The following NDC1 variants were observed in gnomAD, a reference collection of about 807,000 sequenced individuals.
NDC1 encodes the protein NDC1 transmembrane nucleoporin, also known as nucleoporin NDC1.
Under a neutral mutation model 89.8 loss-of-function variants are expected in NDC1, and 24 were observed. The ratio of observed to expected loss-of-function variants is 0.27; its 90% CI spans 0.19 to 0.38. The LOEUF (loss-of-function observed/expected upper bound fraction) is 0.38, where lower values mean the gene tolerates loss of function less well. Among genes scored for constraint, NDC1 ranks in the 10% least tolerant of loss-of-function variants. The pLI is 1.00. For missense variants in NDC1, 728 were observed against 797.6 expected, an observed-to-expected ratio of 0.91 and a Z score of 1.05; for synonymous variants, 296 against 284.8, an observed-to-expected ratio of 1.04 and a Z score of -0.39.
chr1:53,830,549 T>C (rs1247343584), intron 3 of NDC1, among the ~76,000 whole-genome samples: 1 of 152,126 alleles, frequency 6.6e-6, no homozygotes, highest in African/African-American at 2.4e-5. Flanking sequence ...TACAAGGAAG[T>C]GTTGAAGAAC....
chr1:53,794,467 C>T (rs1647627248), intron 13 of NDC1, among the ~76,000 whole-genome samples: 1 of 152,180 alleles, frequency 6.6e-6, no homozygotes, highest in African/African-American at 2.4e-5. Flanking sequence ...GTACTAATGG[C>T]ATATAGAGCC....
chr1:53,804,390 A>G (rs999565753), intron 9 of NDC1, among the ~76,000 whole-genome samples: 9 of 152,154 alleles, frequency 5.9e-5, no homozygotes, highest in Non-Finnish European at 1.2e-4. Flanking sequence ...ATCTGATTCC[A>G]CCCACCAAAC....
At chr1:53,796,303 A>G (rs1054887712) in intron 13 of NDC1, among the ~76,000 whole-genome samples, 7 of 152,320 alleles carry the variant, frequency 4.6e-5, no homozygotes, top group South Asian at 2.1e-4. Context: ...TTAATAGCAC[A>G]TAAGTCTTAT....
chr1:53,831,867 A>G (rs763738326), intron 3 of NDC1, among the ~76,000 whole-genome samples: 14 of 152,132 alleles, frequency 9.2e-5, no homozygotes, highest in Non-Finnish European at 1.5e-4. Context: ...GTGATTCTCC[A>G]AGGCAAAACA....
intron 3 of NDC1, among the ~76,000 whole-genome samples, chr1:53,831,434 T>C (rs1036998775): frequency 4.6e-5 from 7 of 151,740 alleles, no homozygotes; most frequent in Admixed American, 1.3e-4. Context: ...ATCCCAGCAC[T>C]TGGGAGGCCG....
intron 6 of NDC1, among the ~76,000 whole-genome samples, chr1:53,813,673 G>A (rs1231662615): frequency 6.6e-6 from 1 of 151,768 alleles, no homozygotes; most frequent in Non-Finnish European, 1.5e-5. Flanking sequence ...ACAGCAACAC[G>A]ATAGTGGGGG....
chr1:53,802,552 C>T lies in NDC1; in HGVS notation c.1066+1376G>A, dbSNP rs149066122. Among the ~76,000 whole-genome samples, 15 of 152,042 alleles carry T rather than the reference C, an allele frequency of 9.9e-5. No homozygotes were observed. In the East Asian group the frequency reaches 2.9e-3, roughly 29 times the overall value. ...GTGTGGTGGTGCACACCTGGTATGCCCCTATAATACCAGCTACTTGAAAGG... is the reference window on the plus strand; with the variant it reads ...GTGTGGTGGTGCACACCTGGTATGCTCCTATAATACCAGCTACTTGAAAGG... On this transcript the variant is annotated intron_variant, in intron 10 of 17. Coordinates refer to ENST00000371429, the MANE Select transcript of NDC1 (RefSeq NM_018087.5).
chr1:53,778,439 G>GC (rs1319986382), intron 16 of NDC1, among the ~76,000 whole-genome samples: 1 of 152,068 alleles, frequency 6.6e-6, no homozygotes, highest in Non-Finnish European at 1.5e-5. Context: ...CTTTACAGTA[G>GC]TCATAAAGTT....
At chr1:53,837,854 C>T (rs1018294060) in intron 1 of NDC1, among the ~76,000 whole-genome samples, 5 of 152,174 alleles carry the variant, frequency 3.3e-5, no homozygotes, top group African/African-American at 1.2e-4. Flanking sequence ...CAATTCCGTG[C>T]ATTCCTTCCC....
intron 6 of NDC1, among the ~76,000 whole-genome samples, chr1:53,813,251 A>G (rs577365104): frequency 6.6e-6 from 1 of 152,350 alleles, no homozygotes; most frequent in African/African-American, 2.4e-5. Context: ...AACAAAAAGC[A>G]TGGTGAATTC....
Position 53,827,961 on chromosome 1 carries a change from T to G in NDC1, c.455+38A>C, listed in dbSNP as rs112945925. 33 of 1,505,746 alleles carry G rather than the reference T, an allele frequency of 2.2e-5. 1 individual carries two copies. In the South Asian group the frequency reaches 4.2e-4, roughly 19 times the overall value. 93.3% of individuals were successfully genotyped at this position (1,505,746 alleles called of 1,614,324 possible). The stretch of plus-strand genomic sequence containing the variant: ...TATAGGTCACCTTTGGCTTAGTAAG[T>G]AAATGAGATTCCTAAGGAAATATAT... On this transcript the variant is annotated intron_variant, in intron 4 of 17. Transcript: ENST00000371429.
chr1:53,797,659 T>C (rs7556247), intron 11 of NDC1, among the ~76,000 whole-genome samples: 4,404 of 152,312 alleles, frequency 0.029, 98 homozygotes, highest in Middle Eastern at 0.044. Context: ...AGTCAGGATC[T>C]TGCTCTGTAG....
intron 3 of NDC1, 44 bp from the exon 4 acceptor site, chr1:53,828,217 A>C: frequency 6.4e-7 from 1 of 1,570,246 alleles, no homozygotes; most frequent in Non-Finnish European, 8.7e-7. Flanking sequence ...CCTACAGCAT[A>C]TGCAGTTAGA....
chr1:53,827,918 A>G lies in NDC1; in HGVS notation c.455+81T>C, dbSNP rs944533032. ...TGCAGAAGTCTGGAAAGCAAAGAAT[A>G]CTCATAGGATTAACCTATATAGGTC... On this transcript the variant is annotated intron_variant, in intron 4 of 17. Transcript: ENST00000371429. 27 of 1,029,694 alleles carry G rather than the reference A, an allele frequency of 2.6e-5. No homozygotes were observed. The East Asian group carries it at 6.8e-4, about 26-fold the overall frequency. 63.8% of individuals were successfully genotyped at this position (1,029,694 alleles called of 1,614,324 possible).
intron 15 of NDC1, among the ~76,000 whole-genome samples, chr1:53,788,119 C>A (rs1647365173): frequency 2.6e-5 from 4 of 152,176 alleles, no homozygotes; most frequent in Admixed American, 2.6e-4. Flanking sequence ...TAGCAAGACC[C>A]TGTCTCTATA....
chr1:53,771,155 TCTC>T (rs1163703950), intron 17 of NDC1: 1 of 188,888 alleles, frequency 5.3e-6, no homozygotes, highest in East Asian at 1.3e-4. Context: ...GGTATGCCCT[TCTC>T]CTTGCTTTTG....
chr1:53,836,879 A>G (rs994518727), intron 1 of NDC1, among the ~76,000 whole-genome samples: 47 of 152,334 alleles, frequency 3.1e-4, no homozygotes, highest in African/African-American at 1.1e-3. Context: ...AACCTTCATG[A>G]TCTTGGATTT....
chr1:53,790,308 T>C (rs908395437), intron 14 of NDC1, among the ~76,000 whole-genome samples: 1 of 149,036 alleles, frequency 6.7e-6, no homozygotes, highest in African/African-American at 2.5e-5. Flanking sequence ...GAGGTTGTAA[T>C]GAGCTGAGAT....
intron 16 of NDC1, among the ~76,000 whole-genome samples, chr1:53,779,054 G>A (rs1286454548): frequency 7.1e-6 from 1 of 140,022 alleles, no homozygotes; most frequent in Non-Finnish European, 1.5e-5. Context: ...GAGGAGGGAG[G>A]ATCAATTAAG....
Sources: allele counts gnomAD v4.1 joint callset (sites outside exome capture counted in the v4.1 genomes callset), GRCh38; gene constraint gnomAD v4.1.1; transcripts MANE v1.5; gene names NCBI Gene and HGNC (gene_info 2026-07-23, HGNC 2026-07-21).